Variants in EEF2K observed in about 807,000 individuals in gnomAD.
The protein encoded by EEF2K is eukaryotic elongation factor 2 kinase.
A neutral mutation model predicts 93.8 loss-of-function variants in EEF2K; 70 were observed. The observed-to-expected ratio is 0.75, with a 90% CI of 0.62 to 0.91. EEF2K has a LOEUF of 0.91. EEF2K is among the 40% of genes least tolerant of loss of function. The probability of loss-of-function intolerance (pLI) is 0.00; values close to 1 mark genes in which losing one functional copy is unlikely to be tolerated. For missense variants in EEF2K, 935 were observed against 972.9 expected (o/e 0.96, Z 0.52); for synonymous variants, 376 against 380.8 (o/e 0.99, Z 0.15).
At chr16:22,232,372 G>A (rs757896731) in intron 2 of EEF2K, among the ~76,000 whole-genome samples, 4 of 151,954 alleles carry the variant, frequency 2.6e-5, no homozygotes, top group African/African-American at 9.7e-5. Flanking sequence ...GACCACAGGC[G>A]TGCACCACCA....
rs577664458 is a variant in EEF2K at position 22,266,627 on chromosome 16, G to A, written c.1576-61G>A. The A allele has an allele frequency of 7.3e-5, 115 of 1,585,918 alleles. 1 individual carries two copies. The Admixed American group carries it at 1.2e-3, about 17-fold the overall frequency. On this transcript the variant is annotated intron_variant, in intron 14 of 17. Transcript: ENST00000263026. ...ACTTCCTCCCGCAGGCTGGCTGGGCGGTCTTGGGTGCGGCTTTGGCCCGCC... is the reference window on the plus strand; with the variant it reads ...ACTTCCTCCCGCAGGCTGGCTGGGCAGTCTTGGGTGCGGCTTTGGCCCGCC...
chr16:22,281,792 A>G (rs948143275), intron 17 of EEF2K, among the ~76,000 whole-genome samples: 2 of 152,152 alleles, frequency 1.3e-5, no homozygotes, highest in African/African-American at 2.4e-5. Context: ...TCTGTGTTGA[A>G]GTGTGTTATC....
chr16:22,219,430 A>G (rs1338495306), intron 1 of EEF2K, among the ~76,000 whole-genome samples: 1 of 152,196 alleles, frequency 6.6e-6, no homozygotes, highest in African/African-American at 2.4e-5. Flanking sequence ...CAGGAGTTCG[A>G]GACTAGCCTG....
chr16:22,206,450 C>G lies in EEF2K; in HGVS notation c.-306C>G, dbSNP rs2046862651. The G allele has an allele frequency of 6.6e-6, 1 of 152,496 alleles. No individual in the cohort carries two copies. Among genetic ancestry groups the G allele is most frequent in the Non-Finnish European group, 1.5e-5 (1 of 68,298 alleles). 9.4% of individuals were successfully genotyped at this position (152,496 alleles called of 1,614,324 possible). ...TCGTCCCAACGGCCCCTGCGCCCTT[C>G]CTGGGATCACTCCGACTGCCCCGCG... On this transcript the variant is annotated 5_prime_UTR_variant, in exon 1 of 18. Coordinates refer to ENST00000263026, the MANE Select transcript of EEF2K (RefSeq NM_013302.5).
chr16:22,269,123 C>G (rs2047552708), intron 15 of EEF2K, among the ~76,000 whole-genome samples: 1 of 152,160 alleles, frequency 6.6e-6, no homozygotes. Context: ...TGGCTTATAA[C>G]AACAGAAATT....
chr16:22,260,457 C>T lies in EEF2K; in HGVS notation c.1232-5C>T, dbSNP rs1422881857. ...AGGACATGATGTCTGTTTCTCCCTG[C>T]CCAGATTGGCCAGTGTTCAGTGACC... is the stretch of plus-strand genomic sequence containing the variant. On this transcript the variant is annotated splice_polypyrimidine_tract_variant and splice_region_variant and intron_variant, in intron 10 of 17. Coordinates refer to ENST00000263026, the MANE Select transcript of EEF2K (RefSeq NM_013302.5). 1 of 1,614,098 alleles carries T rather than the reference C, an allele frequency of 6.2e-7. No homozygotes were observed. Among genetic ancestry groups the T allele is most frequent in the East Asian group, 2.2e-5 (1 of 44,882 alleles).
chr16:22,209,074 G>A (rs1347202062), intron 1 of EEF2K, among the ~76,000 whole-genome samples: 1 of 152,174 alleles, frequency 6.6e-6, no homozygotes, highest in African/African-American at 2.4e-5. Context: ...TGTTGCCCAG[G>A]CTGGAGTGCA....
Position 22,225,851 on chromosome 16 carries a change from C to CCATCA in EEF2K, c.124_128dup (p.Asp44SerfsTer22). 1 of 1,614,176 alleles carries CCATCA rather than the reference C, an allele frequency of 6.2e-7. No individual in the cohort carries two copies. The highest frequency in any genetic ancestry group is 8.5e-7 in the Non-Finnish European group (1 of 1,180,038). On this transcript the variant is annotated frameshift_variant, in exon 2 of 18. Transcript: ENST00000263026. LOFTEE classifies it high-confidence loss of function. Reference sequence around the variant, plus strand: ...GATGAGGAAGGTTACTTCATCTGCCCCATCACGGATGACCCAAGCTCGAAC... The same window carrying CCATCA: ...GATGAGGAAGGTTACTTCATCTGCCCCATCACATCACGGATGACCCAAGCTCGAAC...
At chr16:22,227,053 G>C (rs2047072013) in intron 2 of EEF2K, among the ~76,000 whole-genome samples, 1 of 152,102 alleles carries the variant, frequency 6.6e-6, no homozygotes, top group Non-Finnish European at 1.5e-5. Context: ...CAAAAAATTA[G>C]CCGGGTGTGG....
chr16:22,241,407 G>T (rs1246422276), intron 2 of EEF2K, among the ~76,000 whole-genome samples: 1 of 152,104 alleles, frequency 6.6e-6, no homozygotes, highest in African/African-American at 2.4e-5. Context: ...CACTTTGGGA[G>T]GCCAAGGCGG....
At chr16:22,276,830 G>A (rs1340652624) in intron 16 of EEF2K, among the ~76,000 whole-genome samples, 4 of 152,050 alleles carry the variant, frequency 2.6e-5, no homozygotes, top group African/African-American at 7.2e-5. Flanking sequence ...AGGCTGAGGC[G>A]GGTGGATCAC....
chr16:22,254,803 A>G lies in EEF2K; in HGVS notation c.619-1945A>G, dbSNP rs185069178. Among the ~76,000 whole-genome samples, 6 of 152,254 alleles carry G rather than the reference A, an allele frequency of 3.9e-5. No individual in the cohort carries two copies. The East Asian group carries it at 1.2e-3, about 29-fold the overall frequency. On this transcript the variant is annotated intron_variant, in intron 6 of 17. Coordinates refer to ENST00000263026, the MANE Select transcript of EEF2K (RefSeq NM_013302.5). ...AATGAGTTGCCAGGCACAGTGGCTC[A>G]TGCTTGTAATCTCAGCACTTTGGAA...
chr16:22,232,613 C>T (rs1485679045), intron 2 of EEF2K, among the ~76,000 whole-genome samples: 2 of 152,158 alleles, frequency 1.3e-5, no homozygotes, highest in African/African-American at 4.8e-5. Context: ...GTGTGTGAGT[C>T]ATTCTCCAGT....
At chr16:22,257,962 C>A (rs2047423702) in intron 9 of EEF2K, among the ~76,000 whole-genome samples, 192 bp downstream of exon 9, 1 of 152,200 alleles carries the variant, frequency 6.6e-6, no homozygotes, top group Non-Finnish European at 1.5e-5. Flanking sequence ...TCCTGAGCGT[C>A]CTTCCAATCG....
intron 6 of EEF2K, 88 bp from the exon 7 acceptor site, chr16:22,256,660 G>A: frequency 2.0e-6 from 3 of 1,483,256 alleles, no homozygotes; most frequent in Non-Finnish European, 2.7e-6. Context: ...AGCCCAGGCA[G>A]GCGAGTTCCT....
At chr16:22,254,466 T>C (rs1363965549) in intron 6 of EEF2K, among the ~76,000 whole-genome samples, 3 of 152,154 alleles carry the variant, frequency 2.0e-5, no homozygotes, top group Admixed American at 1.3e-4. Flanking sequence ...CCATGGATGG[T>C]CGTTTCCTTG....
At chr16:22,219,337 TTG>T (rs1423925574) in intron 1 of EEF2K, among the ~76,000 whole-genome samples, 2 of 152,106 alleles carry the variant, frequency 1.3e-5, no homozygotes, top group Non-Finnish European at 2.9e-5. Flanking sequence ...GTCATAAAGG[TTG>T]TGACCTTTAG....
intron 2 of EEF2K, among the ~76,000 whole-genome samples, chr16:22,240,533 CACTGTTTGT>C (rs2047211560): frequency 6.6e-6 from 1 of 152,128 alleles, no homozygotes; most frequent in African/African-American, 2.4e-5. Flanking sequence ...TTCACTTCAG[CACTGTTTGT>C]ACTAGGAAAT....
At chr16:22,227,370 T>A (rs1298361205) in intron 2 of EEF2K, among the ~76,000 whole-genome samples, 1 of 152,068 alleles carries the variant, frequency 6.6e-6, no homozygotes, top group East Asian at 1.9e-4. Flanking sequence ...ATAACAGGCA[T>A]GTGCCACCAC....
Sources: gnomAD v4.1 joint callset for allele counts (sites outside exome capture counted in the v4.1 genomes callset) on GRCh38, gnomAD v4.1.1 for gene constraint, MANE v1.5 for transcripts, NCBI Gene and HGNC (gene_info 2026-07-23, HGNC 2026-07-21) for gene names.